KLHL24: variants seen among roughly 807,000 people sequenced by gnomAD.
The protein encoded by KLHL24 is kelch like family member 24, also known as kelch-like protein 24.
In KLHL24, 29 loss-of-function variants were observed where a neutral mutation model predicts 53.4. The observed-to-expected ratio is 0.54, with a 90% CI of 0.40 to 0.74. The LOEUF (loss-of-function observed/expected upper bound fraction) is 0.74. Ranked by LOEUF, KLHL24 falls within the 30% of genes least tolerant of loss-of-function variation. KLHL24 has a pLI of 0.00. For missense variants in KLHL24, 504 were observed against 744.0 expected (o/e 0.68, Z 3.75); for synonymous variants, 222 against 253.7 (o/e 0.88, Z 1.19).
intron 1 of KLHL24, among the ~76,000 whole-genome samples, chr3:183,640,517 A>C (rs7647677): frequency 0.34 from 50,944 of 151,836 alleles, 9,403 homozygotes; most frequent in African/African-American, 0.49. Context: ...GGGGTAATCC[A>C]TAGTTGCTAT....
chr3:183,652,084 A>C (rs1718199656), intron 3 of KLHL24, among the ~76,000 whole-genome samples: 1 of 152,230 alleles, frequency 6.6e-6, no homozygotes, highest in East Asian at 1.9e-4. Flanking sequence ...GGCCTCAAAT[A>C]TTACTTAATT....
At chr3:183,642,616 A>C (rs971406198) in intron 1 of KLHL24, among the ~76,000 whole-genome samples, 2 of 150,934 alleles carry the variant, frequency 1.3e-5, no homozygotes, top group Admixed American at 6.6e-5. Flanking sequence ...AAAAAAAAAA[A>C]AAAAAAAAAA....
rs1016716677 is a variant in KLHL24 at position 183,683,653 on chromosome 3, A to C, written c.*4367A>C. The stretch of plus-strand genomic sequence containing the variant: ...ATTTGTGTGATTGCCTTAGATATTA[A>C]ATTTTCCTAGTGCTGATAAAAACAG... On this transcript the variant is annotated 3_prime_UTR_variant, in exon 8 of 8. Transcript: ENST00000242810. 1.4e-4 allele frequency: 22 copies of C among 152,588 alleles called. No homozygotes were observed. The highest frequency in any genetic ancestry group is 3.2e-4 in the Non-Finnish European group (22 of 68,018). The allele number at this position is 152,588 out of a possible 1,614,324, so 9.5% of individuals were successfully genotyped here. A position where few individuals can be genotyped will look rare whatever the true frequency, so the allele number is the denominator to read the frequency against.
chr3:183,645,857 T>A (rs936144110), intron 2 of KLHL24, among the ~76,000 whole-genome samples: 1 of 152,172 alleles, frequency 6.6e-6, no homozygotes. Context: ...GGAGTTACTT[T>A]GTTGACATTT....
At chr3:183,661,256 A>C (rs1719749615) in intron 3 of KLHL24, among the ~76,000 whole-genome samples, 1 of 151,878 alleles carries the variant, frequency 6.6e-6, no homozygotes, top group African/African-American at 2.4e-5. Flanking sequence ...AAAACAAAAA[A>C]AGAATTAATG....
At chr3:183,639,547 G>A (rs1315097420) in intron 1 of KLHL24, among the ~76,000 whole-genome samples, 1 of 142,616 alleles carries the variant, frequency 7.0e-6, no homozygotes, top group Non-Finnish European at 1.5e-5. Flanking sequence ...GGAGAATGGC[G>A]TGAACCCAGG....
At chr3:183,653,541 AAAGGCAGTTAATT>A (rs1440948842) in intron 3 of KLHL24, among the ~76,000 whole-genome samples, 2 of 152,232 alleles carry the variant, frequency 1.3e-5, no homozygotes, top group Non-Finnish European at 2.9e-5. Context: ...GAAGCAGAAC[AAAGGCAGTTAATT>A]ATACTGTGAC....
chr3:183,635,757 G>C lies in KLHL24; in HGVS notation c.-161G>C, dbSNP rs945092180. 2 of 152,498 alleles carry C rather than the reference G, an allele frequency of 1.3e-5. No homozygotes were observed. The highest frequency in any genetic ancestry group is 4.8e-5 in the African/African-American group (2 of 41,450). The allele number at this position is 152,498 out of a possible 1,614,324, so 9.4% of individuals were successfully genotyped here. On this transcript the variant is annotated 5_prime_UTR_variant, in exon 1 of 8. Transcript: ENST00000242810. Reference sequence around the variant, plus strand: ...CAGTGTTCGCCGAGAGGTACCGGGGGTGACAGCTCCGGGACCGGCCGAAAG... The same window carrying C: ...CAGTGTTCGCCGAGAGGTACCGGGGCTGACAGCTCCGGGACCGGCCGAAAG...
intron 7 of KLHL24, among the ~76,000 whole-genome samples, chr3:183,678,693 C>CGT (rs540066814): frequency 1.8e-4 from 27 of 151,992 alleles, no homozygotes; most frequent in Non-Finnish European, 2.8e-4. Context: ...CTGAAAGGCC[C>CGT]GTGTGTGTGT....
chr3:183,644,775 G>A (rs998262185), intron 2 of KLHL24, among the ~76,000 whole-genome samples: 1 of 152,054 alleles, frequency 6.6e-6, no homozygotes, highest in Non-Finnish European at 1.5e-5. Flanking sequence ...ATAAATATTA[G>A]ATAGAATAAA....
At position 183,682,043 on chromosome 3, in the gene KLHL24, T is replaced by C. The variant is rs1226257332; in HGVS notation, c.*2757T>C. 6.6e-6 allele frequency: 1 copy of C among 152,338 alleles called. No homozygotes were observed. Among genetic ancestry groups the C allele is most frequent in the Non-Finnish European group, 1.5e-5 (1 of 68,006 alleles). 9.4% of individuals were successfully genotyped at this position (152,338 alleles called of 1,614,324 possible). ...CCATGCTAAATTCAATTCTGGAATT[T>C]TTTTTTATTTGGGCATTTCTAGAAC... On this transcript the variant is annotated 3_prime_UTR_variant, in exon 8 of 8. Coordinates refer to ENST00000242810, the MANE Select transcript of KLHL24 (RefSeq NM_017644.3).
At chr3:183,678,514 C>CTT (rs36116160) in intron 7 of KLHL24, among the ~76,000 whole-genome samples, 114 of 148,398 alleles carry the variant, frequency 7.7e-4, no homozygotes, top group African/African-American at 1.8e-3. Context: ...AACATATAAT[C>CTT]TTTTTTTTTT....
At position 183,680,768 on chromosome 3, in the gene KLHL24, A is replaced by C. The variant is rs189194292; in HGVS notation, c.*1482A>C. On this transcript the variant is annotated 3_prime_UTR_variant, in exon 8 of 8. Transcript: ENST00000242810. ...TTCTGGGTGGACGGATATAATTTAC[A>C]ACATTTAGGGATGTTCTAGGTAGCC... is the stretch of plus-strand genomic sequence containing the variant. 53 of 152,304 alleles carry C rather than the reference A, an allele frequency of 3.5e-4. No homozygotes were observed. 9.4% of individuals were successfully genotyped at this position (152,304 alleles called of 1,614,324 possible). A position where few individuals can be genotyped will look rare whatever the true frequency, so the allele number is the denominator to read the frequency against.
intron 3 of KLHL24, among the ~76,000 whole-genome samples, chr3:183,657,772 A>T (rs1297142552): frequency 6.6e-6 from 1 of 152,216 alleles, no homozygotes; most frequent in East Asian, 1.9e-4. Flanking sequence ...AACTCATTGA[A>T]TTGTTTGAAT....
In KLHL24 at chr3:183,679,529, C is replaced by A. The variant is rs1260533127; in HGVS notation, c.*243C>A. 2.0e-5 allele frequency: 9 copies of A among 445,554 alleles called. No homozygotes were observed. Among genetic ancestry groups the A allele is most frequent in the Non-Finnish European group, 3.6e-5 (9 of 249,672 alleles). The allele number at this position is 445,554 out of a possible 1,614,324, so 27.6% of individuals were successfully genotyped here. A position where few individuals can be genotyped will look rare whatever the true frequency, so the allele number is the denominator to read the frequency against. Reference sequence around the variant, plus strand: ...TGTTACTTGGCCTTTGAAGAGTGTACCTTTGTAAGTATTTGTAAGAAGTCT... The same window carrying A: ...TGTTACTTGGCCTTTGAAGAGTGTAACTTTGTAAGTATTTGTAAGAAGTCT... On this transcript the variant is annotated 3_prime_UTR_variant, in exon 8 of 8. Transcript: ENST00000242810.
intron 3 of KLHL24, among the ~76,000 whole-genome samples, chr3:183,662,468 A>G (rs1370642675): frequency 2.0e-5 from 3 of 152,204 alleles, no homozygotes; most frequent in East Asian, 1.9e-4. Flanking sequence ...TGTAGCAACC[A>G]TAAAATGTAA....
chr3:183,654,231 G>T (rs945834658), intron 3 of KLHL24, among the ~76,000 whole-genome samples: 24 of 151,904 alleles, frequency 1.6e-4, no homozygotes, highest in African/African-American at 5.6e-4. Flanking sequence ...TTCTCCTCTT[G>T]GTCCTCCTAT....
intron 3 of KLHL24, among the ~76,000 whole-genome samples, chr3:183,654,476 AT>A (rs1220201674): frequency 6.6e-6 from 1 of 151,618 alleles, no homozygotes; most frequent in Non-Finnish European, 1.5e-5. Flanking sequence ...TATCTTATTT[AT>A]TTTTTATTGC....
At chr3:183,670,071 T>C (rs1721130294) in intron 5 of KLHL24, among the ~76,000 whole-genome samples, 1 of 152,178 alleles carries the variant, frequency 6.6e-6, no homozygotes, top group Non-Finnish European at 1.5e-5. Flanking sequence ...GAGACCAGCC[T>C]GGGCAACAGA....
Sources: gnomAD v4.1 joint callset for allele counts (sites outside exome capture counted in the v4.1 genomes callset) on GRCh38, gnomAD v4.1.1 for gene constraint, MANE v1.5 for transcripts, NCBI Gene and HGNC (gene_info 2026-07-23, HGNC 2026-07-21) for gene names.